The following BMP2K variants were observed in gnomAD, a reference collection of about 807,000 sequenced individuals.
The protein encoded by BMP2K is BMP2 inducible kinase.
A neutral mutation model predicts 116.0 loss-of-function variants in BMP2K; 74 were observed. The ratio of observed to expected loss-of-function variants is 0.64; its 90% CI spans 0.53 to 0.77. The LOEUF (loss-of-function observed/expected upper bound fraction) is 0.77, where lower values mean the gene tolerates loss of function less well. BMP2K is among the 30% of genes least tolerant of loss of function. The pLI, the probability that BMP2K is intolerant of heterozygous loss-of-function variation, is 0.00. For missense variants in BMP2K, 1,365 were observed against 1,403.6 expected (o/e 0.97, Z 0.44); for synonymous variants, 486 against 502.5 (o/e 0.97, Z 0.44).
chr4:78,872,520 C>T, intron 12 of BMP2K, 94 bp from the exon 13 acceptor site: 2 of 1,123,754 alleles, frequency 1.8e-6, no homozygotes, highest in East Asian at 2.6e-5. Flanking sequence ...ATTTTGTCAC[C>T]AATGTGAAAG....
rs769854522 is a variant in BMP2K at position 78,826,018 on chromosome 4, T to C, written c.179-19T>C. ...TTGTTTTTGTTTCTTTTAAATTAAT[T>C]GGTGCTTTGTTTTTCTAGGTGGATT... On this transcript the variant is annotated intron_variant, in intron 1 of 15. Transcript: ENST00000502613. 6.4e-6 allele frequency: 10 copies of C among 1,559,288 alleles called. No homozygotes were observed. In the East Asian group the frequency reaches 1.8e-4, roughly 28 times the overall value.
chr4:78,840,626 T>A (rs915222304), intron 3 of BMP2K, among the ~76,000 whole-genome samples: 17 of 152,144 alleles, frequency 1.1e-4, no homozygotes, highest in Non-Finnish European at 2.2e-4. Flanking sequence ...ACCTTTTTTT[T>A]AAATTAGAAT....
intron 3 of BMP2K, among the ~76,000 whole-genome samples, chr4:78,834,715 TAC>T (rs1239111606): frequency 6.6e-6 from 1 of 152,178 alleles, no homozygotes; most frequent in South Asian, 2.1e-4. Context: ...CAGAAACTCT[TAC>T]AGTTTCCTGA....
intron 1 of BMP2K, among the ~76,000 whole-genome samples, chr4:78,786,405 A>G (rs928087412): frequency 1.5e-4 from 20 of 134,382 alleles, no homozygotes; most frequent in African/African-American, 4.4e-4. Flanking sequence ...AAGCCACCCA[A>G]TGTGTGTGTG....
intron 1 of BMP2K, 46 bp downstream of exon 1, chr4:78,776,767 G>A (rs1727268839): frequency 2.4e-6 from 3 of 1,230,620 alleles, no homozygotes; most frequent in South Asian, 3.9e-5. Flanking sequence ...AGGGAGGGTT[G>A]GGGTGTGGCG....
intron 7 of BMP2K, among the ~76,000 whole-genome samples, chr4:78,856,201 T>G (rs956961914): frequency 2.6e-5 from 4 of 152,146 alleles, no homozygotes; most frequent in African/African-American, 9.7e-5. Flanking sequence ...TTTCTTTTTT[T>G]AAAGAGACAG....
At chr4:78,790,160 T>A (rs900982743) in intron 1 of BMP2K, among the ~76,000 whole-genome samples, 2 of 152,352 alleles carry the variant, frequency 1.3e-5, no homozygotes, top group East Asian at 3.9e-4. Flanking sequence ...ACATTACTTT[T>A]ATGATACATT....
At chr4:78,839,824 T>A (rs970343579) in intron 3 of BMP2K, among the ~76,000 whole-genome samples, 1 of 152,240 alleles carries the variant, frequency 6.6e-6, no homozygotes, top group Middle Eastern at 3.4e-3. Flanking sequence ...TCTTTTCCTG[T>A]TCTTCTGCCT....
Position 78,829,792 on chromosome 4 carries a change from C to CTTTTCTCTT in BMP2K, c.297+3639_297+3640insTTCTCTTTT, listed in dbSNP as rs58007596. On this transcript the variant is annotated intron_variant, in intron 2 of 15. Coordinates refer to ENST00000502613, the MANE Select transcript of BMP2K (RefSeq NM_198892.2). ...TTTCTTTTCTTTTCTTTTCTTTTCTCTTCTCTTCTCTTCTCTTCTCTTCTC... is the reference window on the plus strand; with the variant it reads ...TTTCTTTTCTTTTCTTTTCTTTTCTCTTTTCTCTTTTCTCTTCTCTTCTCTTCTCTTCTC... Among the ~76,000 whole-genome samples the CTTTTCTCTT allele has an allele frequency of 1.0e-3, 64 of 63,454 alleles. 2 individuals are homozygous for CTTTTCTCTT. The highest frequency in any genetic ancestry group is 4.2e-3 in the South Asian group (7 of 1,650). 41.6% of individuals were successfully genotyped at this position (63,454 alleles called of 152,430 possible).
intron 15 of BMP2K, among the ~76,000 whole-genome samples, chr4:78,888,614 C>T (rs1242680687): frequency 6.6e-5 from 10 of 152,182 alleles, no homozygotes; most frequent in Admixed American, 5.9e-4. Context: ...GTTAGGAGAA[C>T]TGAAGTAAGC....
intron 1 of BMP2K, among the ~76,000 whole-genome samples, chr4:78,790,098 A>T (rs1008981488): frequency 6.6e-6 from 1 of 152,252 alleles, no homozygotes; most frequent in African/African-American, 2.4e-5. Flanking sequence ...GAATCTTTAC[A>T]GTGATATAAA....
chr4:78,790,780 T>C (rs182386155), intron 1 of BMP2K, among the ~76,000 whole-genome samples: 176 of 152,276 alleles, frequency 1.2e-3, no homozygotes, highest in African/African-American at 4.2e-3. Flanking sequence ...GAGGCTGAGA[T>C]GGAGTTTGAG....
rs1453296025 is a variant in BMP2K, at chr4:78,842,546, C to A, written c.546+19C>A. The A allele has an allele frequency of 3.9e-6, 6 of 1,542,450 alleles. No individual in the cohort carries two copies. Among genetic ancestry groups the A allele is most frequent in the Non-Finnish European group, 5.3e-6 (6 of 1,132,042 alleles). On this transcript the variant is annotated intron_variant, in intron 4 of 15. Transcript: ENST00000502613. ...TCTGAAGGTAAGAACTTTAGAATTC[C>A]TATGGATTAAGTAATAAGTTGGAGT...
At position 78,870,982 on chromosome 4, in the gene BMP2K, A is replaced by C. The variant is rs545604264; in HGVS notation, c.1431A>C (p.Gln477His). 6.3e-7 allele frequency: 1 copy of C among 1,597,096 alleles called. No homozygotes were observed. Among genetic ancestry groups the C allele is most frequent in the Non-Finnish European group, 8.5e-7 (1 of 1,170,322 alleles). Residue 477 changes from glutamine (Q) to histidine (H), a missense_variant, in exon 11 of 16, where the codon CAA (glutamine) becomes CAC (histidine). By Grantham distance (24) the Gln-to-His change is conservative. Transcript: ENST00000502613. ...AGCAACAGCAGCAGCAGCAACAGCA[A>C]CAGCAGCAGCAGCAGCAGCAGCAGC... ...QQQQQQQQQQ[Q>H]QQQQQQQQQH... is the part of the protein sequence containing the mutation.
intron 7 of BMP2K, among the ~76,000 whole-genome samples, chr4:78,856,003 A>G (rs1191776041): frequency 6.6e-6 from 1 of 152,088 alleles, no homozygotes; most frequent in African/African-American, 2.4e-5. Flanking sequence ...TACTACTTTT[A>G]GGTGAACTGG....
At chr4:78,859,802 G>A (rs1269894570) in intron 8 of BMP2K, 115 bp downstream of exon 8, 22 of 691,920 alleles carry the variant, frequency 3.2e-5, no homozygotes, top group East Asian at 1.9e-4. Flanking sequence ...AGAGTTTCTT[G>A]TTTCATGACA....
chr4:78,864,098 A>G (rs926036886), intron 9 of BMP2K, among the ~76,000 whole-genome samples: 1 of 152,186 alleles, frequency 6.6e-6, no homozygotes, highest in African/African-American at 2.4e-5. Flanking sequence ...CAGAGACATC[A>G]GAGTGAACAA....
At chr4:78,823,668 A>G (rs1458752383) in intron 1 of BMP2K, among the ~76,000 whole-genome samples, 1 of 150,966 alleles carries the variant, frequency 6.6e-6, no homozygotes, top group East Asian at 1.9e-4. Context: ...AAATATATAA[A>G]TGGGGCCCCA....
At chr4:78,841,672 T>A (rs1577917235) in intron 3 of BMP2K, among the ~76,000 whole-genome samples, 1 of 152,242 alleles carries the variant, frequency 6.6e-6, no homozygotes, top group East Asian at 1.9e-4. Context: ...TCTCACCTTA[T>A]CGTCTCCTCT....
Sources: gnomAD v4.1 joint callset for allele counts (sites outside exome capture counted in the v4.1 genomes callset) on GRCh38, gnomAD v4.1.1 for gene constraint, MANE v1.5 for transcripts, NCBI Gene and HGNC (gene_info 2026-07-23, HGNC 2026-07-21) for gene names.